PTPRD: variants seen among roughly 807,000 people sequenced by gnomAD.
PTPRD encodes receptor-type tyrosine-protein phosphatase delta.
A neutral mutation model predicts 214.5 loss-of-function variants in PTPRD; 34 were observed. The observed-to-expected ratio is 0.16, with a 90% CI of 0.12 to 0.21. The LOEUF (loss-of-function observed/expected upper bound fraction) is 0.21, where lower values mean the gene tolerates loss of function less well. PTPRD is among the 10% of genes least tolerant of loss of function. The pLI is 1.00. For synonymous variants in PTPRD, 1,128 were observed against 845.7 expected (o/e 1.33, Z -5.79); for missense variants, 2,545 against 2,398.7 (o/e 1.06, Z -1.27).
chr9:9,600,337 A>G (rs958463993), intron 7 of PTPRD, among the ~76,000 whole-genome samples: 1 of 152,132 alleles, frequency 6.6e-6, no homozygotes, highest in African/African-American at 2.4e-5. Flanking sequence ...CAAGCTCACA[A>G]TGAAAAGATA....
intron 11 of PTPRD, among the ~76,000 whole-genome samples, chr9:8,734,316 C>T (rs935520663): frequency 2.0e-5 from 3 of 152,174 alleles, no homozygotes; most frequent in African/African-American, 7.2e-5. Flanking sequence ...AAGAAGCACA[C>T]CAGTGCTATG....
At chr9:9,250,198 T>TG (rs1462841508) in intron 9 of PTPRD, among the ~76,000 whole-genome samples, 1 of 152,102 alleles carries the variant, frequency 6.6e-6, no homozygotes, top group African/African-American at 2.4e-5. Context: ...TCCAGAGCAC[T>TG]GGCCCTGAGC....
chr9:10,027,528 T>C (rs1282110538), intron 4 of PTPRD, among the ~76,000 whole-genome samples: 1 of 152,184 alleles, frequency 6.6e-6, no homozygotes, highest in Non-Finnish European at 1.5e-5. Flanking sequence ...GCATGTCATG[T>C]GTATTATAAA....
chr9:8,490,130 C>G (rs2097120815), intron 27 of PTPRD, among the ~76,000 whole-genome samples: 1 of 152,090 alleles, frequency 6.6e-6, no homozygotes, highest in African/African-American at 2.4e-5. Flanking sequence ...ATGAAAGGGT[C>G]TTAAATAATT....
chr9:8,803,371 G>A (rs1454559176), intron 11 of PTPRD, among the ~76,000 whole-genome samples: 4 of 152,108 alleles, frequency 2.6e-5, no homozygotes, highest in African/African-American at 9.7e-5. Flanking sequence ...ACTGAAATCA[G>A]TGAAATTAGT....
chr9:9,341,359 C>T (rs768195585), intron 9 of PTPRD, among the ~76,000 whole-genome samples: 36 of 152,090 alleles, frequency 2.4e-4, no homozygotes, highest in Admixed American at 5.2e-4. Context: ...TCAGTTGTTG[C>T]TCCAACGTGA....
intron 43 of PTPRD, among the ~76,000 whole-genome samples, chr9:8,333,006 A>G (rs1284207558): frequency 6.6e-6 from 1 of 152,098 alleles, no homozygotes; most frequent in Non-Finnish European, 1.5e-5. Context: ...TATTGAGAAG[A>G]GAGAGGATCT....
intron 18 of PTPRD, 50 bp downstream of exon 18, chr9:8,524,875 T>A (rs1318397212): frequency 3.3e-6 from 5 of 1,508,002 alleles, no homozygotes; most frequent in Non-Finnish European, 3.7e-6. Context: ...GCGTCTCAAC[T>A]CCCCCTGAGC....
intron 3 of PTPRD, among the ~76,000 whole-genome samples, chr9:10,250,750 G>T (rs894351837): frequency 6.6e-6 from 1 of 151,816 alleles, no homozygotes; most frequent in Non-Finnish European, 1.5e-5. Flanking sequence ...AAGCACAAAG[G>T]TTCAGGGAAG....
intron 8 of PTPRD, among the ~76,000 whole-genome samples, chr9:9,536,187 T>C (rs1292578574): frequency 6.6e-6 from 1 of 152,032 alleles, no homozygotes; most frequent in African/African-American, 2.4e-5. Context: ...TGCATTATTT[T>C]ATAACTACAT....
rs1017496647 is a variant in PTPRD at position 8,634,634 on chromosome 9, T to C, written c.211-1176A>G. On this transcript the variant is annotated intron_variant, in intron 13 of 45. Coordinates refer to ENST00000381196, the MANE Select transcript of PTPRD (RefSeq NM_002839.4). ...TATAAAGCATACACTTTAAAATAAA[T>C]CTACTATGCATCTTAGGAAAGAAAA... is the stretch of plus-strand genomic sequence containing the variant. Among the ~76,000 whole-genome samples the C allele has an allele frequency of 2.0e-5, 3 of 152,062 alleles. No homozygotes were observed. The South Asian group carries it at 6.2e-4, about 31-fold the overall frequency.
intron 12 of PTPRD, among the ~76,000 whole-genome samples, chr9:8,639,407 ACCTT>A (rs1207797594): frequency 2.0e-5 from 3 of 151,508 alleles, no homozygotes; most frequent in Non-Finnish European, 2.9e-5. Context: ...ATTTTTAGCT[ACCTT>A]CCTTTTCTTG....
At chr9:9,691,931 A>C (rs1268250054) in intron 7 of PTPRD, among the ~76,000 whole-genome samples, 1 of 152,020 alleles carries the variant, frequency 6.6e-6, no homozygotes, top group Non-Finnish European at 1.5e-5. Flanking sequence ...TCTTCTGGGA[A>C]CTGTCTATTG....
At chr9:9,686,531 CT>C (rs2097170136) in intron 7 of PTPRD, among the ~76,000 whole-genome samples, 1 of 151,518 alleles carries the variant, frequency 6.6e-6, no homozygotes, top group East Asian at 1.9e-4. Context: ...ATAATCTATG[CT>C]GACAGAAGTC....
chr9:10,268,293 A>AAGT (rs1554991671), intron 3 of PTPRD, among the ~76,000 whole-genome samples: 1 of 144,850 alleles, frequency 6.9e-6, no homozygotes, highest in African/African-American at 2.5e-5. Context: ...CTGTTGCTAT[A>AAGT]AATAATAATA....
intron 11 of PTPRD, among the ~76,000 whole-genome samples, chr9:8,886,340 T>G (rs2154229675): frequency 6.6e-6 from 1 of 152,330 alleles, no homozygotes. Context: ...ATAATGCTAA[T>G]GTCTGTGCAC....
chr9:8,378,405 G>A, intron 37 of PTPRD, among the ~76,000 whole-genome samples: 1 of 151,580 alleles, frequency 6.6e-6, no homozygotes, highest in Middle Eastern at 3.4e-3. Flanking sequence ...CACTACTTCA[G>A]CAGTCATGAT....
chr9:9,151,666 C>G (rs76683167), intron 10 of PTPRD, among the ~76,000 whole-genome samples: 2 of 152,104 alleles, frequency 1.3e-5, no homozygotes, highest in African/African-American at 4.8e-5. Context: ...TTGTAGACTA[C>G]GTTTTTAATG....
intron 12 of PTPRD, among the ~76,000 whole-genome samples, chr9:8,653,806 G>A (rs933059005): frequency 5.3e-5 from 8 of 152,068 alleles, no homozygotes; most frequent in Admixed American, 6.5e-5. Context: ...CACTGTATAC[G>A]AATTTCTAAC....
Sources: allele counts gnomAD v4.1 joint callset (sites outside exome capture counted in the v4.1 genomes callset), GRCh38; gene constraint gnomAD v4.1.1; transcripts MANE v1.5; gene names NCBI Gene and HGNC (gene_info 2026-07-23, HGNC 2026-07-21).